Variants in CDC42 observed in about 807,000 individuals in gnomAD.
CDC42 encodes the protein cell division control protein 42 homolog.
Under a neutral mutation model 20.8 loss-of-function variants are expected in CDC42, and 1 was observed. That is an observed-to-expected ratio of 0.05 (90% CI 0.02 to 0.23). The LOEUF (loss-of-function observed/expected upper bound fraction) is 0.23. Ranked by LOEUF, CDC42 falls within the 10% of genes least tolerant of loss-of-function variation. The pLI is 1.00. For synonymous variants in CDC42, 72 were observed against 84.8 expected (o/e 0.85, Z 0.83); for missense variants, 49 against 227.9 (o/e 0.21, Z 5.05).
intron 1 of CDC42, among the ~76,000 whole-genome samples, chr1:22,062,257 G>C (rs1002965983): frequency 6.6e-6 from 1 of 152,214 alleles, no homozygotes; most frequent in African/African-American, 2.4e-5. Context: ...TTAAAAAATG[G>C]CTTGTGGTTT....
At position 22,089,495 on chromosome 1, in the gene CDC42, T is replaced by G. The variant is rs141704609; in HGVS notation, c.487-1933T>G. Among the ~76,000 whole-genome samples the G allele has an allele frequency of 2.0e-5, 3 of 152,330 alleles. No individual in the cohort carries two copies. In the East Asian group the frequency reaches 5.8e-4, roughly 29 times the overall value. ...CTTCTAGTTGGTACTGTTGCACAAT[T>G]AACACTTTTTAAATGTCTGAACCTT... is the stretch of plus-strand genomic sequence containing the variant. On this transcript the variant is annotated intron_variant, in intron 5 of 5. Coordinates refer to ENST00000656825, the MANE Select transcript of CDC42 (RefSeq NM_001791.4).
At chr1:22,060,378 A>T (rs909821) in intron 1 of CDC42, among the ~76,000 whole-genome samples, 143,856 of 152,066 alleles carry the variant, frequency 0.95, 68,136 homozygotes, top group East Asian at 1. Flanking sequence ...TCATTACTCC[A>T]TGTGGAAGGA....
Position 22,094,620 on chromosome 1 carries a change from C to T in CDC42, c.*3103C>T, listed in dbSNP as rs12740705. On this transcript the variant is annotated 3_prime_UTR_variant, in exon 6 of 6. Transcript: ENST00000656825. ...CCAGAAATAGATTTTATAGTTAAAG[C>T]GATGTTCTTCAAGCTGGACTTTATG... 0.12 allele frequency among the ~76,000 whole-genome samples: 18,899 copies of T among 151,790 alleles called. 1,304 individuals are homozygous for T. Among genetic ancestry groups the T allele is most frequent in the Admixed American group, 0.18 (2,697 of 15,226 alleles).
At chr1:22,069,386 G>C (rs1645458904) in intron 1 of CDC42, among the ~76,000 whole-genome samples, 3 of 151,964 alleles carry the variant, frequency 2.0e-5, no homozygotes, top group African/African-American at 7.2e-5. Context: ...ATGTTGGCCA[G>C]ATTGGTCTCG....
At chr1:22,065,136 G>C (rs1157676513) in intron 1 of CDC42, among the ~76,000 whole-genome samples, 1 of 152,228 alleles carries the variant, frequency 6.6e-6, no homozygotes, top group Admixed American at 6.5e-5. Context: ...TAAGTAGCTT[G>C]CCCAAAATCA....
At position 22,090,489 on chromosome 1, in the gene CDC42, G is replaced by A. The variant is rs138364061; in HGVS notation, c.487-939G>A. The A allele has an allele frequency of 1.6e-4, 156 of 987,518 alleles. No individual in the cohort carries two copies. The African/African-American group carries it at 2.6e-3, about 17-fold the overall frequency. The allele number at this position is 987,518 out of a possible 1,614,324, so 61.2% of individuals were successfully genotyped here. A position where few individuals can be genotyped will look rare whatever the true frequency, so the allele number is the denominator to read the frequency against. ...TGACCTAGTAGAGTGTAATGGGGAA[G>A]GGAGGATTCTTTTCTGGTTTTCCTT... On this transcript the variant is annotated intron_variant, in intron 5 of 5. Transcript: ENST00000656825.
intron 1 of CDC42, among the ~76,000 whole-genome samples, chr1:22,066,661 A>T (rs780801815): frequency 4.7e-5 from 7 of 149,496 alleles, no homozygotes; most frequent in Admixed American, 3.4e-4. Context: ...ATTGCCCTGG[A>T]TAATGTGGTC....
chr1:22,068,091 A>G (rs914596993), intron 1 of CDC42, among the ~76,000 whole-genome samples: 1 of 152,148 alleles, frequency 6.6e-6, no homozygotes, highest in Non-Finnish European at 1.5e-5. Flanking sequence ...CAAAAACAAA[A>G]AAAATCTTTA....
chr1:22,057,757 T>C (rs1392361344), intron 1 of CDC42, among the ~76,000 whole-genome samples: 2 of 148,120 alleles, frequency 1.4e-5, no homozygotes, highest in African/African-American at 5.0e-5. Flanking sequence ...AGAGTCTCGC[T>C]CTGTCACCCA....
intron 1 of CDC42, chr1:22,059,347 C>T (rs959871528): frequency 6.6e-6 from 1 of 151,902 alleles, no homozygotes; most frequent in Admixed American, 6.6e-5. Flanking sequence ...ATTGTGGTGA[C>T]GAGGAATGGT....
chr1:22,060,139 C>T (rs1190117040), intron 1 of CDC42, among the ~76,000 whole-genome samples: 2 of 151,864 alleles, frequency 1.3e-5, no homozygotes, highest in East Asian at 2.0e-4. Flanking sequence ...GGCTGGAGTT[C>T]AAGACCAACC....
intron 1 of CDC42, among the ~76,000 whole-genome samples, chr1:22,072,027 G>A (rs1645497223): frequency 1.3e-5 from 2 of 150,802 alleles, no homozygotes; most frequent in African/African-American, 4.9e-5. Context: ...GATTCCCATG[G>A]CCCTTCTTAG....
At chr1:22,071,034 TTTTTTTTCTTTC>T (rs1014146534) in intron 1 of CDC42, among the ~76,000 whole-genome samples, 8 of 99,426 alleles carry the variant, frequency 8.0e-5, no homozygotes, top group South Asian at 3.7e-4. Flanking sequence ...AAGCATTTCT[TTTTTTTTCTTTC>T]TTTTTTTTTT....
chr1:22,096,503 A>G lies in CDC42; in HGVS notation c.*4986A>G, dbSNP rs1645759523. Among the ~76,000 whole-genome samples, 1 of 152,122 alleles carries G rather than the reference A, an allele frequency of 6.6e-6. No homozygotes were observed. The highest frequency in any genetic ancestry group is 2.4e-5 in the African/African-American group (1 of 41,420). On this transcript the variant is annotated 3_prime_UTR_variant, in exon 6 of 6. Transcript: ENST00000656825. ...GTGCATGCATATTCATGACACATTC[A>G]TTTGTCATTATTTATCAAAAACCTG... is the stretch of plus-strand genomic sequence containing the variant.
intron 1 of CDC42, among the ~76,000 whole-genome samples, chr1:22,061,932 T>A (rs1645370482): frequency 6.6e-6 from 1 of 151,818 alleles, no homozygotes; most frequent in Admixed American, 6.6e-5. Context: ...CACCCTTTTT[T>A]ATTTTATTTA....
intron 1 of CDC42, among the ~76,000 whole-genome samples, chr1:22,062,019 A>G (rs778812066): frequency 1.3e-5 from 2 of 151,666 alleles, no homozygotes; most frequent in South Asian, 2.1e-4. Flanking sequence ...GCTCACTGCA[A>G]CCTCTGCCTC....
At chr1:22,056,426 T>A (rs1160229392) in intron 1 of CDC42, among the ~76,000 whole-genome samples, 1 of 152,230 alleles carries the variant, frequency 6.6e-6, no homozygotes, top group East Asian at 1.9e-4. Flanking sequence ...CTTACTCTCC[T>A]AAAAATTATT....
At chr1:22,054,922 T>TATATATATATATATA (rs1557890193) in intron 1 of CDC42, among the ~76,000 whole-genome samples, 16 of 7,778 alleles carry the variant, frequency 2.1e-3, no homozygotes, top group South Asian at 6.6e-3. Context: ...TATATATATA[T>TATATATATATATATA]TTTTTTTTTT....
At chr1:22,085,009 A>G (rs1645646819) in intron 3 of CDC42, among the ~76,000 whole-genome samples, 1 of 152,104 alleles carries the variant, frequency 6.6e-6, no homozygotes, top group South Asian at 2.1e-4. Flanking sequence ...AGGTGGGCAG[A>G]TCACCTGAGG....
Sources: allele counts gnomAD v4.1 joint callset (sites outside exome capture counted in the v4.1 genomes callset), GRCh38; gene constraint gnomAD v4.1.1; transcripts MANE v1.5; gene names NCBI Gene and HGNC (gene_info 2026-07-23, HGNC 2026-07-21).